Variants in GALNTL6 observed in about 807,000 individuals in gnomAD.
GALNTL6 encodes the protein polypeptide N-acetylgalactosaminyltransferase like 6, also known as polypeptide N-acetylgalactosaminyltransferase-like 6.
In GALNTL6, 46 loss-of-function variants were observed where a neutral mutation model predicts 73.7. The observed-to-expected ratio is 0.62, with a 90% CI of 0.49 to 0.80. The LOEUF (loss-of-function observed/expected upper bound fraction) is 0.80. Among genes scored for constraint, GALNTL6 ranks in the 30% least tolerant of loss-of-function variants. The pLI, the probability that GALNTL6 is intolerant of heterozygous loss-of-function variation, is 0.00. For missense variants in GALNTL6, 604 were observed against 755.0 expected (o/e 0.80, Z 2.34); for synonymous variants, 259 against 263.7 (o/e 0.98, Z 0.17).
intron 10 of GALNTL6, among the ~76,000 whole-genome samples, chr4:172,953,748 G>T (rs529044786): frequency 2.5e-4 from 38 of 152,342 alleles, no homozygotes; most frequent in African/African-American, 7.5e-4. Flanking sequence ...GTTTTTGCAT[G>T]TGTATGTCAT....
intron 5 of GALNTL6, among the ~76,000 whole-genome samples, chr4:172,640,764 C>T (rs1253835741): frequency 6.6e-6 from 1 of 152,062 alleles, no homozygotes; most frequent in Non-Finnish European, 1.5e-5. Flanking sequence ...CAAAGGTAGT[C>T]ATATTCTGAG....
chr4:173,018,062 G>T (rs751321057), intron 11 of GALNTL6, among the ~76,000 whole-genome samples: 10 of 152,156 alleles, frequency 6.6e-5, no homozygotes, highest in Admixed American at 3.3e-4. Context: ...CCTTCTGAGT[G>T]TATAAAAACC....
chr4:171,842,473 G>T (rs555291533), intron 2 of GALNTL6, among the ~76,000 whole-genome samples: 2 of 152,198 alleles, frequency 1.3e-5, no homozygotes, highest in South Asian at 4.1e-4. Flanking sequence ...AATACCTGAG[G>T]CTGGGTAATT....
intron 2 of GALNTL6, among the ~76,000 whole-genome samples, chr4:171,894,483 A>G (rs1280471882): frequency 6.6e-6 from 1 of 152,224 alleles, no homozygotes; most frequent in African/African-American, 2.4e-5. Flanking sequence ...TCTTTTTACA[A>G]TATAATTAAA....
At chr4:172,181,740 G>A (rs1411102925) in intron 2 of GALNTL6, among the ~76,000 whole-genome samples, 4 of 116,416 alleles carry the variant, frequency 3.4e-5, no homozygotes, top group African/African-American at 1.3e-4. Context: ...TTTTTGAGTT[G>A]GAGTCTTGCT....
chr4:171,950,926 G>A (rs1738858588), intron 2 of GALNTL6, among the ~76,000 whole-genome samples: 1 of 151,708 alleles, frequency 6.6e-6, no homozygotes, highest in African/African-American at 2.4e-5. Context: ...ATGTAAAAAA[G>A]GAAGAAAAAT....
chr4:172,095,209 G>A (rs1295149295), intron 2 of GALNTL6, among the ~76,000 whole-genome samples: 1 of 124,828 alleles, frequency 8.0e-6, no homozygotes, highest in Non-Finnish European at 1.7e-5. Context: ...ATAAAAAAAA[G>A]AGAGATGATA....
At chr4:172,120,499 T>C (rs1297367237) in intron 2 of GALNTL6, among the ~76,000 whole-genome samples, 1 of 152,126 alleles carries the variant, frequency 6.6e-6, no homozygotes, top group Non-Finnish European at 1.5e-5. Flanking sequence ...CCTTGGATAA[T>C]TCAGAATCAT....
chr4:172,232,297 T>C (rs1737098693), intron 3 of GALNTL6, among the ~76,000 whole-genome samples: 1 of 152,194 alleles, frequency 6.6e-6, no homozygotes, highest in Non-Finnish European at 1.5e-5. Context: ...TACTGGTAAG[T>C]TTTGCCAGTG....
intron 5 of GALNTL6, among the ~76,000 whole-genome samples, chr4:172,785,404 G>T (rs1739596025): frequency 6.6e-6 from 1 of 152,052 alleles, no homozygotes; most frequent in Non-Finnish European, 1.5e-5. Context: ...GGAAGATAAT[G>T]ATTTTCTATT....
chr4:172,336,270 G>GTTTTT (rs138448149), intron 4 of GALNTL6, among the ~76,000 whole-genome samples: 1,752 of 108,354 alleles, frequency 0.016, 304 homozygotes, highest in Middle Eastern at 0.029. Flanking sequence ...GTATAGTTTT[G>GTTTTT]TTTTGTTTTT....
At chr4:172,003,071 T>A (rs1740726032) in intron 2 of GALNTL6, among the ~76,000 whole-genome samples, 1 of 152,160 alleles carries the variant, frequency 6.6e-6, no homozygotes, top group Non-Finnish European at 1.5e-5. Context: ...TCTCCTATAT[T>A]GTCAAAGATC....
chr4:172,553,320 C>CA lies in GALNTL6; in HGVS notation c.553+204632dup, dbSNP rs1736031262. 2.0e-5 allele frequency among the ~76,000 whole-genome samples: 3 copies of CA among 152,236 alleles called. No homozygotes were observed. The South Asian group carries it at 6.2e-4, about 32-fold the overall frequency. ...TGAAATAAAGCCTTTCTTTTCTGGA[C>CA]ATTTCCAGGAAAAGCCAGTCTTGCT... On this transcript the variant is annotated intron_variant, in intron 5 of 12. Coordinates refer to ENST00000506823, the MANE Select transcript of GALNTL6 (RefSeq NM_001034845.3).
At chr4:172,693,300 A>G (rs1362659447) in intron 5 of GALNTL6, among the ~76,000 whole-genome samples, 3 of 152,176 alleles carry the variant, frequency 2.0e-5, no homozygotes, top group African/African-American at 4.8e-5. Flanking sequence ...TTATTTCCTA[A>G]TCCCACTTAT....
At chr4:172,890,582 G>T (rs949773592) in intron 8 of GALNTL6, among the ~76,000 whole-genome samples, 1 of 152,008 alleles carries the variant, frequency 6.6e-6, no homozygotes, top group Admixed American at 6.6e-5. Context: ...TGATTTTTTT[G>T]AATTTATTGA....
intron 8 of GALNTL6, among the ~76,000 whole-genome samples, chr4:172,883,217 A>C (rs1389352118): frequency 6.6e-6 from 1 of 152,224 alleles, no homozygotes; most frequent in Admixed American, 6.5e-5. Context: ...TGTGTTGGAA[A>C]CATTGCAATT....
At chr4:172,200,205 T>C (rs531586669) in intron 2 of GALNTL6, among the ~76,000 whole-genome samples, 65 of 152,326 alleles carry the variant, frequency 4.3e-4, no homozygotes, top group African/African-American at 1.5e-3. Flanking sequence ...TCCCATTTTA[T>C]TGATGTTTCA....
intron 2 of GALNTL6, among the ~76,000 whole-genome samples, chr4:172,212,698 G>T (rs777085653): frequency 6.6e-6 from 1 of 151,448 alleles, no homozygotes; most frequent in Non-Finnish European, 1.5e-5. Flanking sequence ...ATGGAGTTTC[G>T]CTCTTGTTGC....
chr4:172,137,875 T>C (rs187545339), intron 2 of GALNTL6, among the ~76,000 whole-genome samples: 3 of 152,246 alleles, frequency 2.0e-5, no homozygotes, highest in Admixed American at 1.3e-4. Context: ...ATCCAGTGAT[T>C]TTACAAAGGC....
Sources: gnomAD v4.1 joint callset for allele counts (sites outside exome capture counted in the v4.1 genomes callset) on GRCh38, gnomAD v4.1.1 for gene constraint, MANE v1.5 for transcripts, NCBI Gene and HGNC (gene_info 2026-07-23, HGNC 2026-07-21) for gene names.